SLC30A10: variants seen among roughly 807,000 people sequenced by gnomAD.
SLC30A10 encodes solute carrier family 30 member 10, also known as calcium/manganese antiporter SLC30A10.
A neutral mutation model predicts 21.7 loss-of-function variants in SLC30A10; 8 were observed. That is an observed-to-expected ratio of 0.37 (90% CI 0.22 to 0.67). The LOEUF (loss-of-function observed/expected upper bound fraction) is 0.67. Among genes scored for constraint, SLC30A10 ranks in the 30% least tolerant of loss-of-function variants. SLC30A10 has a pLI of 0.58. For synonymous variants in SLC30A10, 272 were observed against 279.4 expected, an observed-to-expected ratio of 0.97 and a Z score of 0.26; for missense variants, 521 against 642.5, an observed-to-expected ratio of 0.81 and a Z score of 2.04.
intron 1 of SLC30A10, among the ~76,000 whole-genome samples, chr1:219,941,690 C>T (rs1360936056): frequency 6.9e-6 from 1 of 145,554 alleles, no homozygotes; most frequent in Non-Finnish European, 1.5e-5. Flanking sequence ...TTCTCCCTTT[C>T]TCTCTCTCTC....
In SLC30A10 at chr1:219,927,068, C is replaced by G. The variant is rs1659842663; in HGVS notation, c.678G>C (p.Met226Ile). 1 of 1,613,766 alleles carries G rather than the reference C, an allele frequency of 6.2e-7. No individual in the cohort carries two copies. The highest frequency in any genetic ancestry group is 1.1e-5 in the South Asian group (1 of 91,000). The change falls in exon 2 of 4, where the codon ATG (methionine) becomes ATC (isoleucine). Residue 226 changes from methionine (M) to isoleucine (I), a missense_variant. By Grantham distance (10) the Met-to-Ile change is conservative. Coordinates refer to ENST00000366926, the MANE Select transcript of SLC30A10 (RefSeq NM_018713.3). ...SFNTQNEPED[M>I]MKKEKKSEAL... ...CTTCAGACTTTTTCTCTTTTTTCATCATGTCTTCTGGCTCATTCTGGGTGT... is the reference window on the plus strand; with the variant it reads ...CTTCAGACTTTTTCTCTTTTTTCATGATGTCTTCTGGCTCATTCTGGGTGT...
chr1:219,928,815 A>C (rs1449085325), upstream of SLC30A10, among the ~76,000 whole-genome samples: 3 of 152,232 alleles, frequency 2.0e-5, no homozygotes, highest in Non-Finnish European at 4.4e-5. The surrounding 1 kb of genome is among the most constrained non-coding windows in gnomAD (Gnocchi z 6.3). Flanking sequence ...GTCAATCTTC[A>C]CAGACTCCCT....
chr1:219,947,782 A>G (rs558346662), intron 1 of SLC30A10, among the ~76,000 whole-genome samples: 1 of 152,266 alleles, frequency 6.6e-6, no homozygotes, highest in South Asian at 2.1e-4. Context: ...GTGAGCCAAG[A>G]TCACACCATT....
At chr1:219,925,657 T>A (rs865872057) in intron 2 of SLC30A10, among the ~76,000 whole-genome samples, 2,258 of 60,392 alleles carry the variant, frequency 0.037, 27 homozygotes, top group South Asian at 0.054. Context: ...ATATATTTTT[T>A]TTTTTTTTTT....
rs558587404 is a variant in SLC30A10, at chr1:219,911,747, T to C, written c.*3702A>G. On this transcript the variant is annotated 3_prime_UTR_variant, in exon 4 of 4. Coordinates refer to ENST00000366926, the MANE Select transcript of SLC30A10 (RefSeq NM_018713.3). ...GCAGAATTAATTATTAAAAAGACTATGGGACTTTGGAGAGGCTTTCATTAA... is the reference window on the plus strand; with the variant it reads ...GCAGAATTAATTATTAAAAAGACTACGGGACTTTGGAGAGGCTTTCATTAA... Among the ~76,000 whole-genome samples the C allele has an allele frequency of 6.6e-6, 1 of 152,298 alleles. No individual in the cohort carries two copies. Among genetic ancestry groups the C allele is most frequent in the African/African-American group, 2.4e-5 (1 of 41,564 alleles).
intron 3 of SLC30A10, among the ~76,000 whole-genome samples, chr1:219,916,667 A>C (rs1309770057): frequency 6.6e-6 from 1 of 152,172 alleles, no homozygotes; most frequent in Non-Finnish European, 1.5e-5. Flanking sequence ...TATTTTCTAT[A>C]CTTTCCAAAA....
At chr1:219,916,093 C>G in intron 3 of SLC30A10, 145 bp from the exon 4 acceptor site, 1 of 984,376 alleles carries the variant, frequency 1.0e-6, no homozygotes, top group East Asian at 2.5e-5. Flanking sequence ...AGTTCTACCT[C>G]TGTGGGTACA....
chr1:219,919,080 T>C (rs1659614652), intron 2 of SLC30A10: 1 of 152,228 alleles, frequency 6.6e-6, no homozygotes, highest in African/African-American at 2.4e-5. Context: ...TAAAGAGCCA[T>C]TTATCACAAT....
chr1:219,915,290 C>T lies in SLC30A10; in HGVS notation c.*159G>A. 2 of 819,440 alleles carry T rather than the reference C, an allele frequency of 2.4e-6. No individual in the cohort carries two copies. Among genetic ancestry groups the T allele is most frequent in the South Asian group, 1.7e-5 (1 of 58,522 alleles). The allele number at this position is 819,440 out of a possible 1,614,324, so 50.8% of individuals were successfully genotyped here. A position where few individuals can be genotyped will look rare whatever the true frequency, so the allele number is the denominator to read the frequency against. On this transcript the variant is annotated 3_prime_UTR_variant, in exon 4 of 4. Transcript: ENST00000366926. The stretch of plus-strand genomic sequence containing the variant: ...AGTTAGTTACATAAAAATTCACAGA[C>T]ACGTTTAACTAAAATCCCAAACAGC...
chr1:219,943,376 A>C (rs1300708988), intron 1 of SLC30A10, among the ~76,000 whole-genome samples: 1 of 152,192 alleles, frequency 6.6e-6, no homozygotes, highest in Non-Finnish European at 1.5e-5. Context: ...GCACTAATGA[A>C]GCACCCCCTA....
rs183113539 is a variant in SLC30A10 at position 219,955,088 on chromosome 1, C to T, written n.80+3480G>A. 2.4e-3 allele frequency among the ~76,000 whole-genome samples: 368 copies of T among 152,222 alleles called. 1 individual carries two copies. The highest frequency in any genetic ancestry group is 8.1e-3 in the African/African-American group (337 of 41,554). On this transcript the variant is annotated intron_variant and non_coding_transcript_variant, in intron 1 of 8. Coordinates refer to the SLC30A10 transcript ENST00000484239. The stretch of plus-strand genomic sequence containing the variant: ...AGCAAGGAATAGGAAAACGTATAAA[C>T]GTTAACAAAAGGAGTCCCTAAGCCT...
At chr1:219,945,856 A>T (rs79525078) in intron 1 of SLC30A10, among the ~76,000 whole-genome samples, 2,684 of 152,320 alleles carry the variant, frequency 0.018, 118 homozygotes, top group East Asian at 0.16. Context: ...TGCTAAACTT[A>T]TGCAACTTTG....
At chr1:219,938,132 C>T (rs779199133) in intron 1 of SLC30A10, among the ~76,000 whole-genome samples, 1 of 152,116 alleles carries the variant, frequency 6.6e-6, no homozygotes, top group South Asian at 2.1e-4. Context: ...GATTATCATG[C>T]ATCTTTGAGT....
chr1:219,948,641 C>A (rs1449318075), intron 1 of SLC30A10, among the ~76,000 whole-genome samples: 1 of 152,114 alleles, frequency 6.6e-6, no homozygotes, highest in Non-Finnish European at 1.5e-5. Flanking sequence ...AAACGTTAGA[C>A]CTAAAACCAC....
At chr1:219,921,236 C>G (rs930041109) in intron 2 of SLC30A10, among the ~76,000 whole-genome samples, 2 of 152,136 alleles carry the variant, frequency 1.3e-5, no homozygotes, top group Non-Finnish European at 2.9e-5. Flanking sequence ...ATGGCCATTG[C>G]CAACTTTTCA....
chr1:219,937,234 G>T (rs1660058683), intron 1 of SLC30A10, among the ~76,000 whole-genome samples: 1 of 152,034 alleles, frequency 6.6e-6, no homozygotes, highest in Non-Finnish European at 1.5e-5. Context: ...CCTGATATTT[G>T]TCCTCAGGCT....
intron 1 of SLC30A10, among the ~76,000 whole-genome samples, chr1:219,957,501 C>T (rs4323718): frequency 0.46 from 70,560 of 151,942 alleles, 16,460 homozygotes; most frequent in South Asian, 0.53. Flanking sequence ...AATTAAATAC[C>T]GGATTGCCAT....
chr1:219,949,656 C>T (rs906854090), intron 1 of SLC30A10, among the ~76,000 whole-genome samples: 5 of 151,610 alleles, frequency 3.3e-5, no homozygotes, highest in African/African-American at 4.9e-5. Flanking sequence ...TGCTAGATGA[C>T]GAGTTAATGG....
rs1659400232 is a variant in SLC30A10, at chr1:219,911,148, A to AGTTTT, written c.*4296_*4300dup. Among the ~76,000 whole-genome samples the AGTTTT allele has an allele frequency of 2.6e-5, 1 of 38,590 alleles. No individual in the cohort carries two copies. The highest frequency in any genetic ancestry group is 4.2e-5 in the Non-Finnish European group (1 of 23,696). 25.3% of individuals were successfully genotyped at this position (38,590 alleles called of 152,430 possible). A position where few individuals can be genotyped will look rare whatever the true frequency, so the allele number is the denominator to read the frequency against. ...CATGTTTCTTCATTTTTTCTACATC[A>AGTTTT]GTTTTTTTTTTTTTTTTTTTTTTTT... On this transcript the variant is annotated 3_prime_UTR_variant, in exon 4 of 4. Coordinates refer to ENST00000366926, the MANE Select transcript of SLC30A10 (RefSeq NM_018713.3).
Sources: allele counts gnomAD v4.1 joint callset (sites outside exome capture counted in the v4.1 genomes callset), GRCh38; gene constraint gnomAD v4.1.1; non-coding constraint Gnocchi (gnomAD v3.1); transcripts MANE v1.5; gene names NCBI Gene and HGNC (gene_info 2026-07-23, HGNC 2026-07-21).